The following KCNJ6 variants were observed in gnomAD, a reference collection of about 807,000 sequenced individuals.
KCNJ6 encodes G protein-activated inward rectifier potassium channel 2.
Under a neutral mutation model 34.2 loss-of-function variants are expected in KCNJ6, and 9 were observed. That is an observed-to-expected ratio of 0.26 (90% CI 0.16 to 0.46). The LOEUF is 0.46. Ranked by LOEUF, KCNJ6 falls within the 20% of genes least tolerant of loss-of-function variation. The pLI is 1.00. For missense variants in KCNJ6, 236 were observed against 531.3 expected, an observed-to-expected ratio of 0.44 and a Z score of 5.46; for synonymous variants, 196 against 207.1, an observed-to-expected ratio of 0.95 and a Z score of 0.46.
At chr21:37,677,726 A>C (rs1247518291) in intron 3 of KCNJ6, among the ~76,000 whole-genome samples, 1 of 151,766 alleles carries the variant, frequency 6.6e-6, no homozygotes, top group Non-Finnish European at 1.5e-5. Context: ...CCATCCATCC[A>C]TCCACTTCCT....
intron 1 of KCNJ6, among the ~76,000 whole-genome samples, chr21:37,896,528 G>T (rs1316470303): frequency 2.6e-5 from 4 of 152,152 alleles, no homozygotes; most frequent in African/African-American, 9.7e-5. Context: ...GAACATTACG[G>T]GCACGGAACA....
intron 3 of KCNJ6, among the ~76,000 whole-genome samples, chr21:37,683,107 T>A (rs2054597601): frequency 1.3e-5 from 2 of 152,238 alleles, no homozygotes; most frequent in Admixed American, 6.5e-5. Flanking sequence ...GAAAAATATG[T>A]CCTCTGAATC....
intron 3 of KCNJ6, among the ~76,000 whole-genome samples, chr21:37,710,753 C>G (rs2054747500): frequency 6.6e-6 from 1 of 152,196 alleles, no homozygotes; most frequent in Non-Finnish European, 1.5e-5. Flanking sequence ...CACACATGGG[C>G]CACAGCTGCT....
intron 1 of KCNJ6, among the ~76,000 whole-genome samples, chr21:37,908,950 C>A (rs1266753941): frequency 6.6e-6 from 1 of 152,218 alleles, no homozygotes; most frequent in Non-Finnish European, 1.5e-5. Context: ...TAGAGCTGAA[C>A]TACAATTTGC....
Position 37,616,590 on chromosome 21 carries a change from C to CATATATATATATAT in KCNJ6, c.*8555_*8568dup. 705 of 90,718 alleles carry CATATATATATATAT rather than the reference C, an allele frequency of 7.8e-3. 72 individuals are homozygous for CATATATATATATAT. The highest frequency in any genetic ancestry group is 0.031 in the African/African-American group (665 of 21,612). 5.6% of individuals were successfully genotyped at this position (90,718 alleles called of 1,614,324 possible). A position where few individuals can be genotyped will look rare whatever the true frequency, so the allele number is the denominator to read the frequency against. ...AATTATGAAGCAGGAACAAAATGTACATATATATATATATATATATATATA... is the reference window on the plus strand; with the variant it reads ...AATTATGAAGCAGGAACAAAATGTACATATATATATATATATATATATATATATATATATATATA... On this transcript the variant is annotated 3_prime_UTR_variant, in exon 4 of 4. Coordinates refer to ENST00000609713, the MANE Select transcript of KCNJ6 (RefSeq NM_002240.5).
intron 2 of KCNJ6, among the ~76,000 whole-genome samples, chr21:37,782,026 T>G (rs2055171748): frequency 6.6e-6 from 1 of 152,152 alleles, no homozygotes; most frequent in Admixed American, 6.5e-5. Flanking sequence ...AAGGGGAGAT[T>G]ATCCGGGATT....
intron 2 of KCNJ6, among the ~76,000 whole-genome samples, chr21:37,807,500 C>T (rs1283249746): frequency 3.3e-5 from 5 of 152,196 alleles, no homozygotes; most frequent in Admixed American, 3.3e-4. Flanking sequence ...TGACGATGGA[C>T]GACAGTGGTC....
intron 3 of KCNJ6, among the ~76,000 whole-genome samples, chr21:37,655,770 C>T (rs977986027): frequency 6.6e-6 from 1 of 152,160 alleles, no homozygotes; most frequent in South Asian, 2.1e-4. Flanking sequence ...GCATTTTTCC[C>T]CAAAGGTCAT....
chr21:37,729,780 G>C (rs916208948), intron 2 of KCNJ6, among the ~76,000 whole-genome samples: 4 of 152,242 alleles, frequency 2.6e-5, no homozygotes, highest in African/African-American at 9.6e-5. Context: ...CCTAGTCAAT[G>C]CTTCCCCTGC....
At chr21:37,788,146 T>C (rs2055200618) in intron 2 of KCNJ6, among the ~76,000 whole-genome samples, 1 of 152,252 alleles carries the variant, frequency 6.6e-6, no homozygotes, top group Admixed American at 6.5e-5. Context: ...ATGAAGCAGT[T>C]CATGGATTTC....
At chr21:37,716,719 G>A (rs2054793327) in intron 2 of KCNJ6, among the ~76,000 whole-genome samples, 1 of 152,104 alleles carries the variant, frequency 6.6e-6, no homozygotes, top group African/African-American at 2.4e-5. Flanking sequence ...TAATGCACTG[G>A]TTCACTCATT....
intron 2 of KCNJ6, among the ~76,000 whole-genome samples, chr21:37,777,718 C>T (rs1164866207): frequency 4.6e-5 from 7 of 152,186 alleles, no homozygotes; most frequent in Non-Finnish European, 1.0e-4. Context: ...TTCTGGAAGT[C>T]ATATAACACA....
At chr21:37,643,002 TA>T (rs1285506514) in intron 3 of KCNJ6, among the ~76,000 whole-genome samples, 1 of 152,144 alleles carries the variant, frequency 6.6e-6, no homozygotes, top group Non-Finnish European at 1.5e-5. Context: ...ATGATTCTAG[TA>T]AAAACAGACA....
At chr21:37,798,379 T>C (rs1490566565) in intron 2 of KCNJ6, among the ~76,000 whole-genome samples, 2 of 152,204 alleles carry the variant, frequency 1.3e-5, no homozygotes, top group Non-Finnish European at 2.9e-5. Context: ...TCACTCCTAG[T>C]ATTTCCTTAG....
rs577130075 is a variant in KCNJ6, at chr21:37,792,008, G to C, written c.25+48650C>G. Among the ~76,000 whole-genome samples the C allele has an allele frequency of 2.0e-5, 3 of 152,316 alleles. No homozygotes were observed. The South Asian group carries it at 6.2e-4, about 32-fold the overall frequency. ...TTATTTCCTTCAAACGAATTGAGCA[G>C]GGTTTTTAAATTGATATTGGAGAGA... On this transcript the variant is annotated intron_variant, in intron 2 of 3. Coordinates refer to ENST00000609713, the MANE Select transcript of KCNJ6 (RefSeq NM_002240.5).
At chr21:37,857,927 C>T (rs887558859) in intron 1 of KCNJ6, among the ~76,000 whole-genome samples, 2 of 151,932 alleles carry the variant, frequency 1.3e-5, no homozygotes, top group Non-Finnish European at 2.9e-5. Context: ...AAAATATAAT[C>T]AAGGACACAG....
At chr21:37,823,692 T>C (rs563388641) in intron 2 of KCNJ6, among the ~76,000 whole-genome samples, 1 of 152,344 alleles carries the variant, frequency 6.6e-6, no homozygotes, top group East Asian at 1.9e-4. Context: ...TCCCCAGCCA[T>C]GTGGAACTGT....
intron 1 of KCNJ6, among the ~76,000 whole-genome samples, chr21:37,859,532 A>T (rs11910790): frequency 0.03 from 2,256 of 75,788 alleles, 31 homozygotes; most frequent in African/African-American, 0.056. Flanking sequence ...TATATATATA[A>T]AATACTTAAA....
chr21:37,861,861 G>A (rs1000998192), intron 1 of KCNJ6, among the ~76,000 whole-genome samples: 4 of 152,214 alleles, frequency 2.6e-5, no homozygotes, highest in Non-Finnish European at 5.9e-5. Flanking sequence ...GGGACCATCA[G>A]CCTCACTGAG....
Sources: allele counts gnomAD v4.1 joint callset (sites outside exome capture counted in the v4.1 genomes callset), GRCh38; gene constraint gnomAD v4.1.1; transcripts MANE v1.5; gene names NCBI Gene and HGNC (gene_info 2026-07-23, HGNC 2026-07-21).